The following ABAT variants were observed in gnomAD, a reference collection of about 807,000 sequenced individuals.
ABAT encodes the protein 4-aminobutyrate aminotransferase.
In ABAT, 45 loss-of-function variants were observed where a neutral mutation model predicts 64.6. That is an observed-to-expected ratio of 0.70 (90% CI 0.55 to 0.89). ABAT has a LOEUF of 0.89. ABAT is among the 40% of genes least tolerant of loss of function. The probability of loss-of-function intolerance (pLI) is 0.00; values close to 1 mark genes in which losing one functional copy is unlikely to be tolerated. For missense variants in ABAT, 633 were observed against 658.4 expected (o/e 0.96, Z 0.42); for synonymous variants, 297 against 250.5 (o/e 1.19, Z -1.75).
Position 8,764,113 on chromosome 16 carries a change from G to C in ABAT, c.411G>C (p.Glu137Asp). The change falls in exon 7 of 16, where the codon GAG (glutamate) becomes GAC (aspartate). Residue 137 changes from glutamate (E) to aspartate (D), a missense_variant. By Grantham distance (45) the Glu-to-Asp change is conservative. Transcript: ENST00000268251. This position sits in a 1 kb window ranked among gnomAD's most constrained non-coding sequence, Gnocchi z 4.2. ...CCGCCCTCGGAATCCTGCCTCCGGAGAACTTTGTGGAGAAGCTCCGGCAGT... is the reference window on the plus strand; with the variant it reads ...CCGCCCTCGGAATCCTGCCTCCGGACAACTTTGTGGAGAAGCTCCGGCAGT... ...NRPALGILPP[E>D]NFVEKLRQSL... 6.2e-7 allele frequency: 1 copy of C among 1,613,690 alleles called. No homozygotes were observed.
intron 2 of ABAT, among the ~76,000 whole-genome samples, chr16:8,744,450 C>A (rs140660514): frequency 6.6e-6 from 1 of 151,954 alleles, no homozygotes; most frequent in African/African-American, 2.4e-5. Flanking sequence ...TCACTGCAGC[C>A]TCTGCCTCCT....
At chr16:8,684,869 T>C (rs2057417148) in intron 1 of ABAT, among the ~76,000 whole-genome samples, 1 of 151,940 alleles carries the variant, frequency 6.6e-6, no homozygotes, top group African/African-American at 2.4e-5. Flanking sequence ...AGCACAAATA[T>C]GTAAAGAGTA....
chr16:8,756,954 C>G (rs1215705966), intron 5 of ABAT, among the ~76,000 whole-genome samples: 1 of 152,154 alleles, frequency 6.6e-6, no homozygotes, highest in Non-Finnish European at 1.5e-5. Flanking sequence ...TGGGAATAAG[C>G]AGATGTGTGA....
rs902990263 is a variant in ABAT at position 8,783,794 on chromosome 16, G to T, written c.*2364G>T. On this transcript the variant is annotated 3_prime_UTR_variant, in exon 16 of 16. Coordinates refer to ENST00000268251, the MANE Select transcript of ABAT (RefSeq NM_020686.6). ...GTGGCTCTCTTTGGTAGGGAGAGGG[G>T]CTCCAATATTTCGTTCTCTCCCCAT... is the stretch of plus-strand genomic sequence containing the variant. 2.0e-5 allele frequency: 3 copies of T among 152,120 alleles called. No homozygotes were observed. The highest frequency in any genetic ancestry group is 6.6e-5 in the Admixed American group (1 of 15,266). 9.4% of individuals were successfully genotyped at this position (152,120 alleles called of 1,614,324 possible).
chr16:8,741,418 A>C (rs1273367397), intron 2 of ABAT, among the ~76,000 whole-genome samples: 1 of 152,222 alleles, frequency 6.6e-6, no homozygotes, highest in Non-Finnish European at 1.5e-5. Context: ...ACCACTTGCT[A>C]GCTGTGTGAT....
intron 6 of ABAT, among the ~76,000 whole-genome samples, chr16:8,762,027 C>T (rs1353748084): frequency 6.6e-6 from 1 of 151,400 alleles, no homozygotes; most frequent in South Asian, 2.1e-4. Context: ...TTTCTTCTTT[C>T]TCTCTCTGTC....
At chr16:8,744,366 C>G (rs1422308219) in intron 2 of ABAT, among the ~76,000 whole-genome samples, 1 of 151,616 alleles carries the variant, frequency 6.6e-6, no homozygotes, top group African/African-American at 2.4e-5. Flanking sequence ...AGGGAGGAGC[C>G]ACACATTTTT....
intron 1 of ABAT, among the ~76,000 whole-genome samples, chr16:8,696,975 C>T (rs1358195340): frequency 1.3e-5 from 2 of 152,136 alleles, no homozygotes; most frequent in African/African-American, 2.4e-5. Flanking sequence ...ACTTACATTG[C>T]GCGTCGACTG....
At chr16:8,719,474 C>T (rs149885659) in intron 1 of ABAT, among the ~76,000 whole-genome samples, 39 of 152,276 alleles carry the variant, frequency 2.6e-4, no homozygotes, top group African/African-American at 9.4e-4. Flanking sequence ...TTTTCACAGG[C>T]TGGGTAACTA....
chr16:8,768,643 A>G (rs1239604300), intron 10 of ABAT, among the ~76,000 whole-genome samples, 182 bp from the exon 11 acceptor site: 3 of 152,204 alleles, frequency 2.0e-5, no homozygotes, highest in African/African-American at 4.8e-5. Flanking sequence ...CCAAGTATAT[A>G]CACCTCCTAT....
chr16:8,723,244 A>G (rs530539357), intron 1 of ABAT, among the ~76,000 whole-genome samples: 1 of 151,994 alleles, frequency 6.6e-6, no homozygotes, highest in South Asian at 2.1e-4. Flanking sequence ...CAAAAAAATA[A>G]AGAGAGGAAG....
intron 5 of ABAT, chr16:8,757,404 G>T: frequency 2.8e-6 from 1 of 360,908 alleles, no homozygotes; most frequent in Non-Finnish European, 5.4e-6. Context: ...CTGACCTCAA[G>T]TGATCCACCC....
At chr16:8,774,841 T>A (rs765062368) in intron 12 of ABAT, 49 bp from the exon 13 acceptor site, 2 of 1,610,442 alleles carry the variant, frequency 1.2e-6, no homozygotes, top group East Asian at 4.5e-5. Flanking sequence ...CATGAATTTC[T>A]GGCCTCCCAC....
In ABAT at chr16:8,764,922, G is replaced by C. The variant is rs965107222; in HGVS notation, c.540+92G>C. ...CTTGTCTGACTGTTCATTCCAATGG[G>C]CTGGAGTATTAGACATCAGTACCAG... On this transcript the variant is annotated intron_variant, in intron 8 of 15. Transcript: ENST00000268251. The surrounding 1 kb of genome is among the most constrained non-coding windows in gnomAD (Gnocchi z 4.2). The C allele has an allele frequency of 5.9e-6, 7 of 1,191,470 alleles. No individual in the cohort carries two copies. Among genetic ancestry groups the C allele is most frequent in the Non-Finnish European group, 5.0e-6 (4 of 804,584 alleles). 73.8% of individuals were successfully genotyped at this position (1,191,470 alleles called of 1,614,324 possible). A position where few individuals can be genotyped will look rare whatever the true frequency, so the allele number is the denominator to read the frequency against.
intron 1 of ABAT, among the ~76,000 whole-genome samples, chr16:8,723,265 A>G (rs2058427698): frequency 1.3e-5 from 2 of 152,150 alleles, no homozygotes; most frequent in Admixed American, 1.3e-4. Flanking sequence ...CCGAGAGGCT[A>G]TTTAGGATAT....
intron 1 of ABAT, among the ~76,000 whole-genome samples, chr16:8,729,418 C>T (rs1192770344): frequency 6.6e-6 from 1 of 152,068 alleles, no homozygotes; most frequent in Non-Finnish European, 1.5e-5. Flanking sequence ...TGACTGAGGC[C>T]GAATGTCATA....
At chr16:8,691,281 A>G (rs2057574470) in intron 1 of ABAT, among the ~76,000 whole-genome samples, 1 of 152,172 alleles carries the variant, frequency 6.6e-6, no homozygotes, top group Non-Finnish European at 1.5e-5. Context: ...CTATTACAGA[A>G]CTTGCACCAG....
rs2059884337 is a variant in ABAT at position 8,764,430 on chromosome 16, A to G, written c.447+281A>G. On this transcript the variant is annotated intron_variant, in intron 7 of 15. Transcript: ENST00000268251. This position sits in a 1 kb window ranked among gnomAD's most constrained non-coding sequence, Gnocchi z 4.2. ...CCACTTCTCGGTTTTAGTTACTACA[A>G]ACGATTAAAGCCATTGGGAGCCTCA... 6.6e-6 allele frequency among the ~76,000 whole-genome samples: 1 copy of G among 152,144 alleles called. No homozygotes were observed. The highest frequency in any genetic ancestry group is 2.1e-4 in the South Asian group (1 of 4,828).
chr16:8,702,957 G>A (rs1223875091), intron 1 of ABAT, among the ~76,000 whole-genome samples: 2 of 152,082 alleles, frequency 1.3e-5, no homozygotes, highest in Non-Finnish European at 2.9e-5. Flanking sequence ...TTTTCAAGAT[G>A]GAGCCAACAG....
Sources: allele counts gnomAD v4.1 joint callset (sites outside exome capture counted in the v4.1 genomes callset), GRCh38; gene constraint gnomAD v4.1.1; non-coding constraint Gnocchi (gnomAD v3.1); transcripts MANE v1.5; gene names NCBI Gene and HGNC (gene_info 2026-07-23, HGNC 2026-07-21).